KCNK2: variants seen among roughly 807,000 people sequenced by gnomAD.
KCNK2 encodes the protein potassium channel subfamily K member 2.
In KCNK2, 21 loss-of-function variants were observed where a neutral mutation model predicts 40.5. The ratio of observed to expected loss-of-function variants is 0.52; its 90% CI spans 0.37 to 0.75. The LOEUF is 0.75. Ranked by LOEUF, KCNK2 falls within the 30% of genes least tolerant of loss-of-function variation. KCNK2 has a pLI of 0.00. For missense variants in KCNK2, 399 were observed against 531.6 expected, an observed-to-expected ratio of 0.75 and a Z score of 2.45; for synonymous variants, 191 against 202.2, an observed-to-expected ratio of 0.94 and a Z score of 0.47.
intron 1 of KCNK2, among the ~76,000 whole-genome samples, chr1:215,073,175 A>G (rs1658815078): frequency 6.6e-6 from 1 of 152,126 alleles, no homozygotes; most frequent in Non-Finnish European, 1.5e-5. Flanking sequence ...CCAGAACCCA[A>G]AAGAAGCAAG....
intron 2 of KCNK2, among the ~76,000 whole-genome samples, chr1:215,089,233 A>G (rs1250713853): frequency 6.6e-6 from 1 of 152,222 alleles, no homozygotes; most frequent in Non-Finnish European, 1.5e-5. Context: ...ATTAGATAGC[A>G]TCATTCGGAT....
intron 2 of KCNK2, among the ~76,000 whole-genome samples, chr1:215,102,364 A>T (rs1660258759): frequency 6.6e-6 from 1 of 152,058 alleles, no homozygotes; most frequent in African/African-American, 2.4e-5. Flanking sequence ...AATAAAAATA[A>T]AAAAGCTTAT....
At chr1:215,203,541 T>A (rs984263859) in intron 6 of KCNK2, among the ~76,000 whole-genome samples, 2 of 151,898 alleles carry the variant, frequency 1.3e-5, no homozygotes, top group African/African-American at 4.8e-5. Context: ...TATATATATA[T>A]AATATCATCA....
At chr1:215,158,030 T>C (rs1475399303) in intron 3 of KCNK2, among the ~76,000 whole-genome samples, 1 of 152,148 alleles carries the variant, frequency 6.6e-6, no homozygotes, top group East Asian at 1.9e-4. Flanking sequence ...ACCTTTTTGG[T>C]GCCATGGGGA....
chr1:215,040,080 C>T (rs563349615), intron 1 of KCNK2, among the ~76,000 whole-genome samples: 12 of 152,156 alleles, frequency 7.9e-5, no homozygotes, highest in African/African-American at 2.6e-4. Context: ...TTTCAGTTCC[C>T]GTGCTAAGTA....
At chr1:215,114,234 A>T (rs1484481357) in intron 2 of KCNK2, among the ~76,000 whole-genome samples, 1 of 152,164 alleles carries the variant, frequency 6.6e-6, no homozygotes, top group African/African-American at 2.4e-5. Flanking sequence ...TGTTGAGATT[A>T]GTATCTTAGT....
chr1:215,203,635 A>G (rs1173635190), intron 6 of KCNK2, among the ~76,000 whole-genome samples: 1 of 152,168 alleles, frequency 6.6e-6, no homozygotes, highest in Non-Finnish European at 1.5e-5. Context: ...AAGTAAACAC[A>G]AAAGAAAAGA....
chr1:215,197,159 T>G (rs1041776745), intron 6 of KCNK2, among the ~76,000 whole-genome samples: 2 of 152,220 alleles, frequency 1.3e-5, no homozygotes, highest in African/African-American at 4.8e-5. Flanking sequence ...ATAGAATATC[T>G]GCTTAAATGT....
intron 1 of KCNK2, among the ~76,000 whole-genome samples, chr1:215,071,523 A>T (rs1162124348): frequency 6.6e-6 from 1 of 152,186 alleles, no homozygotes; most frequent in Non-Finnish European, 1.5e-5. Context: ...CTAGAAACAC[A>T]TCCCCATCTG....
At chr1:215,215,335 C>T (rs961007777) in intron 6 of KCNK2, among the ~76,000 whole-genome samples, 1 of 151,888 alleles carries the variant, frequency 6.6e-6, no homozygotes, top group East Asian at 1.9e-4. Flanking sequence ...CCCTTTATTA[C>T]TTGATGTAAT....
intron 6 of KCNK2, among the ~76,000 whole-genome samples, chr1:215,202,246 G>C (rs544423769): frequency 6.6e-6 from 1 of 152,174 alleles, no homozygotes; most frequent in Non-Finnish European, 1.5e-5. Flanking sequence ...TCTTTCCCAC[G>C]GGGAGAGGGG....
intron 2 of KCNK2, among the ~76,000 whole-genome samples, chr1:215,124,020 C>G (rs1376626424): frequency 2.0e-5 from 3 of 152,130 alleles, no homozygotes; most frequent in African/African-American, 7.2e-5. Context: ...TTTGGTGATT[C>G]TTATTGTCAT....
intron 6 of KCNK2, among the ~76,000 whole-genome samples, chr1:215,230,528 T>TATACACATAAAAGAC (rs1553276494): frequency 1.1e-5 from 1 of 87,980 alleles, no homozygotes. Flanking sequence ...TATATATATA[T>TATACACATAAAAGAC]ATATGTATAT....
chr1:215,223,613 T>G (rs1430840645), intron 6 of KCNK2, among the ~76,000 whole-genome samples: 1 of 152,032 alleles, frequency 6.6e-6, no homozygotes, highest in African/African-American at 2.4e-5. Context: ...TTGAGAGAAA[T>G]AAAATATGAA....
intron 6 of KCNK2, among the ~76,000 whole-genome samples, chr1:215,233,884 A>G (rs1330676687): frequency 6.6e-6 from 1 of 152,254 alleles, no homozygotes; most frequent in African/African-American, 2.4e-5. Context: ...GGACACAAAC[A>G]TACGGATGCA....
At chr1:215,018,842 AG>A (rs1656684346) in intron 1 of KCNK2, among the ~76,000 whole-genome samples, 4 of 152,132 alleles carry the variant, frequency 2.6e-5, no homozygotes, top group Admixed American at 2.6e-4. Context: ...CATTCTTAAA[AG>A]ATCACCCTGG....
intron 1 of KCNK2, among the ~76,000 whole-genome samples, chr1:215,064,441 A>C (rs746557704): frequency 6.6e-6 from 1 of 152,182 alleles, no homozygotes; most frequent in Non-Finnish European, 1.5e-5. Context: ...AAACTGCCCA[A>C]GTCCTAGACA....
At chr1:215,158,118 T>TA (rs113195446) in intron 3 of KCNK2, among the ~76,000 whole-genome samples, 13 of 152,202 alleles carry the variant, frequency 8.5e-5, no homozygotes, top group African/African-American at 3.1e-4. Context: ...GCTAAAGAAA[T>TA]ATTTGACAAG....
chr1:215,209,489 A>ATTATATATATAATATATAT (rs1491179744), intron 6 of KCNK2, among the ~76,000 whole-genome samples: 1 of 26,434 alleles, frequency 3.8e-5, no homozygotes, highest in African/African-American at 1.4e-4. Flanking sequence ...TATATAATAC[A>ATTATATATATAATATATAT]TATATATAAT....
Sources: allele counts gnomAD v4.1 joint callset (sites outside exome capture counted in the v4.1 genomes callset), GRCh38; gene constraint gnomAD v4.1.1; transcripts MANE v1.5; gene names NCBI Gene and HGNC (gene_info 2026-07-23, HGNC 2026-07-21).